The following RP1 variants were observed in gnomAD, a reference collection of about 807,000 sequenced individuals.
RP1 encodes the protein RP1 axonemal microtubule associated.
RP1 carries 16 observed loss-of-function variants against 14.8 expected under a neutral mutation model. The ratio of observed to expected loss-of-function variants is 1.08; its 90% CI spans 0.73 to 1.65. The LOEUF is 1.65. RP1 is among the 40% of genes most tolerant of loss of function. The pLI, the probability that RP1 is intolerant of heterozygous loss-of-function variation, is 0.00. For synonymous variants in RP1, 876 were observed against 883.6 expected (o/e 0.99, Z 0.15); for missense variants, 2,631 against 2,535.0 (o/e 1.04, Z -0.81).
At chr8:54,826,879 T>C (rs1811396361) in intron 24 of RP1, among the ~76,000 whole-genome samples, 2 of 152,234 alleles carry the variant, frequency 1.3e-5, no homozygotes, top group South Asian at 4.1e-4. Flanking sequence ...TGCACAAACC[T>C]AGATGGTCTA....
intron 24 of RP1, among the ~76,000 whole-genome samples, chr8:54,805,418 AACTT>A (rs1436918006): frequency 6.6e-6 from 1 of 152,174 alleles, no homozygotes; most frequent in African/African-American, 2.4e-5. Context: ...TTGTGCTCTC[AACTT>A]GTCCACAGAA....
At chr8:54,838,050 CA>C (rs1481608799) in intron 25 of RP1, among the ~76,000 whole-genome samples, 1 of 152,216 alleles carries the variant, frequency 6.6e-6, no homozygotes, top group Non-Finnish European at 1.5e-5. Flanking sequence ...CCACGGGCCG[CA>C]AGTTGTTTGC....
chr8:54,831,782 T>C (rs1374338685), intron 24 of RP1, among the ~76,000 whole-genome samples: 2 of 151,860 alleles, frequency 1.3e-5, no homozygotes, highest in Non-Finnish European at 3.0e-5. Flanking sequence ...CATGTCCATC[T>C]TGTATTATTT....
At chr8:54,703,939 T>A (rs999924968) in intron 14 of RP1, among the ~76,000 whole-genome samples, 1 of 152,168 alleles carries the variant, frequency 6.6e-6, no homozygotes, top group African/African-American at 2.4e-5. Context: ...CATAGAATTG[T>A]AGAGAGTTAG....
chr8:54,857,028 G>A, exon 27 of RP1: 1 of 1,129,294 alleles, frequency 8.9e-7, no homozygotes. Flanking sequence ...TATTGTACAG[G>A]TTGATATTTT....
chr8:54,740,258 C>A (rs973612817), intron 19 of RP1, among the ~76,000 whole-genome samples: 1 of 150,890 alleles, frequency 6.6e-6, no homozygotes, highest in African/African-American at 2.4e-5. Context: ...GAGATGACAG[C>A]TTCATGCATG....
At chr8:54,815,480 C>T (rs1811116384) in intron 24 of RP1, among the ~76,000 whole-genome samples, 1 of 152,202 alleles carries the variant, frequency 6.6e-6, no homozygotes, top group South Asian at 2.1e-4. Context: ...TATTGATTTG[C>T]TGTACTCCAG....
chr8:54,585,959 G>A (rs898481617), intron 1 of RP1, among the ~76,000 whole-genome samples: 16 of 152,114 alleles, frequency 1.1e-4, no homozygotes, highest in African/African-American at 2.4e-4. Context: ...CCTTTAGCTC[G>A]GAGTAGTTTG....
chr8:54,671,948 C>T (rs1807189989), intron 7 of RP1, among the ~76,000 whole-genome samples: 1 of 152,154 alleles, frequency 6.6e-6, no homozygotes, highest in Admixed American at 6.6e-5. Context: ...ACCTCACAGT[C>T]ATTATGAGTC....
intron 24 of RP1, among the ~76,000 whole-genome samples, chr8:54,817,644 A>C (rs1811165173): frequency 6.6e-6 from 1 of 152,246 alleles, no homozygotes; most frequent in African/African-American, 2.4e-5. Context: ...AACTATATTC[A>C]ACACAGAGGA....
At chr8:54,640,025 TC>T (rs1223951949) in intron 3 of RP1, among the ~76,000 whole-genome samples, 1 of 152,138 alleles carries the variant, frequency 6.6e-6, no homozygotes, top group African/African-American at 2.4e-5. Flanking sequence ...TGCCTGCCTA[TC>T]TCAATGACAA....
intron 6 of RP1, among the ~76,000 whole-genome samples, chr8:54,660,059 TTTG>T (rs371029218): frequency 1.1e-4 from 16 of 152,278 alleles, no homozygotes; most frequent in African/African-American, 3.8e-4. Context: ...GAGTGTTGAT[TTTG>T]TTGTTTTAAC....
intron 1 of RP1, among the ~76,000 whole-genome samples, chr8:54,585,403 G>A (rs1229865615): frequency 2.0e-5 from 3 of 152,172 alleles, no homozygotes; most frequent in African/African-American, 7.2e-5. Context: ...TGGGTGACCC[G>A]ACCTTTCTCT....
At chr8:54,701,400 G>T in intron 13 of RP1, 1 of 1,076,514 alleles carries the variant, frequency 9.3e-7, no homozygotes, top group Non-Finnish European at 1.2e-6. Context: ...AAATGAAGTA[G>T]ACACCTGTAT....
At chr8:54,606,644 A>G (rs1805452627) in intron 1 of RP1, among the ~76,000 whole-genome samples, 1 of 152,186 alleles carries the variant, frequency 6.6e-6, no homozygotes, top group Non-Finnish European at 1.5e-5. Flanking sequence ...GTGTTTTCCA[A>G]CTTGGTTGCA....
In RP1 at chr8:54,628,987, A is replaced by G. The variant is rs756002167; in HGVS notation, c.5105A>G (p.Asp1702Gly). The G allele has an allele frequency of 6.8e-6, 11 of 1,613,990 alleles. No homozygotes were observed. The Admixed American group carries it at 8.3e-5, about 12-fold the overall frequency. ...CAGGAATTCCAGGAGGAAAGACAAG[A>G]TAAGTGTGATGTTAGTGCTGTGAGG... is the stretch of plus-strand genomic sequence containing the variant. ...MLQEFQEERQ[D>G]KCDVSAVRDN... Residue 1702 changes from aspartate (D) to glycine (G), a missense_variant, in exon 4 of 4, where the codon GAT becomes GGT. Asp to Gly is a moderately conservative substitution (Grantham distance 94). Coordinates refer to ENST00000220676, the MANE Select transcript of RP1 (RefSeq NM_006269.2).
intron 16 of RP1, among the ~76,000 whole-genome samples, chr8:54,722,822 C>T (rs1808568221): frequency 6.6e-6 from 1 of 152,108 alleles, no homozygotes; most frequent in Admixed American, 6.5e-5. Context: ...TCAAGAGACT[C>T]CACCTGTTGC....
chr8:54,738,250 A>C (rs1808987185), intron 18 of RP1, among the ~76,000 whole-genome samples: 2 of 152,232 alleles, frequency 1.3e-5, no homozygotes, highest in Non-Finnish European at 2.9e-5. Context: ...AAGTAAAAAA[A>C]ACATACTTTA....
downstream of RP1, among the ~76,000 whole-genome samples, chr8:54,635,513 C>T (rs568373160): frequency 2.6e-5 from 4 of 152,114 alleles, no homozygotes; most frequent in South Asian, 4.2e-4. Context: ...TGATACAAAG[C>T]TAAACACTAT....
Sources: gnomAD v4.1 joint callset for allele counts (sites outside exome capture counted in the v4.1 genomes callset) on GRCh38, gnomAD v4.1.1 for gene constraint, MANE v1.5 for transcripts, NCBI Gene and HGNC (gene_info 2026-07-23, HGNC 2026-07-21) for gene names.